The following EPN1 variants were observed in gnomAD, a reference collection of about 807,000 sequenced individuals.
EPN1 encodes the protein epsin-1.
A neutral mutation model predicts 56.9 loss-of-function variants in EPN1; 25 were observed. The ratio of observed to expected loss-of-function variants is 0.44; its 90% CI spans 0.32 to 0.61. The LOEUF is 0.61. EPN1 is among the 20% of genes least tolerant of loss of function. The probability of loss-of-function intolerance (pLI) is 0.05; values close to 1 mark genes in which losing one functional copy is unlikely to be tolerated. For missense variants in EPN1, 785 were observed against 823.7 expected (o/e 0.95, Z 0.58); for synonymous variants, 411 against 361.8 (o/e 1.14, Z -1.54).
chr19:55,688,820 GTC>G (rs781035928), intron 3 of EPN1, 48 bp from the exon 4 acceptor site: 312 of 1,555,222 alleles, frequency 2.0e-4, no homozygotes, highest in Non-Finnish European at 1.9e-4. Context: ...GGGGTTTCCT[GTC>G]TCTCGTTCCC....
Position 55,691,705 on chromosome 19 carries a change from A to G in EPN1, c.763-49A>G, listed in dbSNP as rs1465201872. On this transcript the variant is annotated intron_variant, in intron 6 of 10. Transcript: ENST00000270460. This position sits in a 1 kb window ranked among gnomAD's most constrained non-coding sequence, Gnocchi z 5.6. ...CGGGCCCCAGCTTGGTCCCTGTCCC[A>G]GGCTTCCCACCACTTCTTCATGCTC... is the stretch of plus-strand genomic sequence containing the variant. 17 of 1,563,708 alleles carry G rather than the reference A, an allele frequency of 1.1e-5. No individual in the cohort carries two copies. The highest frequency in any genetic ancestry group is 1.5e-5 in the Non-Finnish European group (17 of 1,145,872).
At chr19:55,687,114 GTTA>G (rs1246561471) in intron 3 of EPN1, among the ~76,000 whole-genome samples, 1 of 152,162 alleles carries the variant, frequency 6.6e-6, no homozygotes, top group East Asian at 1.9e-4. Flanking sequence ...CTTTTAAGTT[GTTA>G]TTTAATTTTT....
rs113119622 is a variant in EPN1 at position 55,703,339 on chromosome 19, T to G, written c.*7983T>G. ...GGGGATTCTCACTTTTTTTTAAAATTTGAGATGGAGTTTCACTGTCGTCAC... is the reference window on the plus strand; with the variant it reads ...GGGGATTCTCACTTTTTTTTAAAATGTGAGATGGAGTTTCACTGTCGTCAC... On this transcript the variant is annotated 3_prime_UTR_variant, in exon 11 of 11. Coordinates refer to ENST00000270460, the MANE Select transcript of EPN1 (RefSeq NM_001130072.2). 1.3e-5 allele frequency: 2 copies of G among 152,010 alleles called. No individual in the cohort carries two copies. The highest frequency in any genetic ancestry group is 2.9e-5 in the Non-Finnish European group (2 of 68,050). The allele number at this position is 152,010 out of a possible 1,614,324, so 9.4% of individuals were successfully genotyped here. A position where few individuals can be genotyped will look rare whatever the true frequency, so the allele number is the denominator to read the frequency against.
Position 55,691,884 on chromosome 19 carries a change from GC to G in EPN1, c.899del (p.Pro300LeufsTer142). 1.9e-6 allele frequency: 3 copies of G among 1,600,522 alleles called. No individual in the cohort carries two copies. Among genetic ancestry groups the G allele is most frequent in the Non-Finnish European group, 8.5e-7 (1 of 1,173,564 alleles). On this transcript the variant is annotated frameshift_variant, in exon 7 of 11. Coordinates refer to ENST00000270460, the MANE Select transcript of EPN1 (RefSeq NM_001130072.2). LOFTEE classifies it high-confidence loss of function. This position sits in a 1 kb window ranked among gnomAD's most constrained non-coding sequence, Gnocchi z 5.6. ...GCCCCCACCTCGGACCCCTGGGGCGGCCCCCCTGTCCCTCCAGCTGCTGATC... is the reference window on the plus strand; with the variant it reads ...GCCCCCACCTCGGACCCCTGGGGCGGCCCCCTGTCCCTCCAGCTGCTGATC... ...TAAPTSDPWG[G>X]PPVPPAADPW...
rs973005871 is a variant in EPN1 at position 55,694,501 on chromosome 19, T to C, written c.1265-225T>C. On this transcript the variant is annotated intron_variant, in intron 9 of 10. Transcript: ENST00000270460. The surrounding 1 kb of genome is among the most constrained non-coding windows in gnomAD (Gnocchi z 4.2). ...GGGTGACACCTGCTTCTGTCATCCC[T>C]CTTGTGTTTGCTCACTGGAATCAGA... The C allele has an allele frequency of 4.3e-6, 2 of 462,768 alleles. No homozygotes were observed. The highest frequency in any genetic ancestry group is 2.0e-5 in the African/African-American group (1 of 50,082). The allele number at this position is 462,768 out of a possible 1,614,324, so 28.7% of individuals were successfully genotyped here.
chr19:55,706,533 T>C lies in EPN1; in HGVS notation c.*11177T>C, dbSNP rs527360532. ...CGGGCATGATGGCAGATGCCTGTAA[T>C]CTCAGCTCCTCAGTAGGCTAAGGCG... On this transcript the variant is annotated 3_prime_UTR_variant, in exon 11 of 11. Transcript: ENST00000270460. 3.4e-4 allele frequency: 51 copies of C among 151,908 alleles called. No homozygotes were observed. The highest frequency in any genetic ancestry group is 1.2e-3 in the African/African-American group (49 of 41,368). 9.4% of individuals were successfully genotyped at this position (151,908 alleles called of 1,614,324 possible).
Position 55,697,635 on chromosome 19 carries a change from T to G in EPN1, c.*2279T>G, listed in dbSNP as rs1986961634. 1 of 152,184 alleles carries G rather than the reference T, an allele frequency of 6.6e-6. No homozygotes were observed. Among genetic ancestry groups the G allele is most frequent in the Admixed American group, 6.5e-5 (1 of 15,280 alleles). 9.4% of individuals were successfully genotyped at this position (152,184 alleles called of 1,614,324 possible). A position where few individuals can be genotyped will look rare whatever the true frequency, so the allele number is the denominator to read the frequency against. ...GCTTAACTACAGCATCTTCGGCATC[T>G]TCTTTTCCCTACAGTGCGAATTACA... On this transcript the variant is annotated 3_prime_UTR_variant, in exon 11 of 11. Coordinates refer to ENST00000270460, the MANE Select transcript of EPN1 (RefSeq NM_001130072.2).
rs60831229 is a variant in EPN1, at chr19:55,696,804, A to G, written c.*1448A>G. Reference sequence around the variant, plus strand: ...CAGACCTACGTCACCTGGGGATTGCAGAGCAAAAGGAGTGCTGTTGGGGTG... The same window carrying G: ...CAGACCTACGTCACCTGGGGATTGCGGAGCAAAAGGAGTGCTGTTGGGGTG... On this transcript the variant is annotated 3_prime_UTR_variant, in exon 11 of 11. Coordinates refer to ENST00000270460, the MANE Select transcript of EPN1 (RefSeq NM_001130072.2). The G allele has an allele frequency of 0.036, 5,467 of 152,552 alleles. 330 individuals are homozygous for G. Among genetic ancestry groups the G allele is most frequent in the African/African-American group, 0.12 (5,186 of 41,554 alleles). The allele number at this position is 152,552 out of a possible 1,614,324, so 9.4% of individuals were successfully genotyped here. A position where few individuals can be genotyped will look rare whatever the true frequency, so the allele number is the denominator to read the frequency against.
At chr19:55,679,106 C>T (rs557831062) in intron 2 of EPN1, among the ~76,000 whole-genome samples, 2 of 152,342 alleles carry the variant, frequency 1.3e-5, no homozygotes, top group African/African-American at 4.8e-5. Context: ...TGAGAGGGCC[C>T]ACGGTGCCCA....
Position 55,705,394 on chromosome 19 carries a change from T to C in EPN1, c.*10038T>C, listed in dbSNP as rs1484774699. On this transcript the variant is annotated 3_prime_UTR_variant, in exon 11 of 11. Transcript: ENST00000270460. ...TTCATGAAGTGGCGTGAGCCTGTAA[T>C]TCCAGCAGTTTGGGAGGCCGGGGCG... 1 of 152,216 alleles carries C rather than the reference T, an allele frequency of 6.6e-6. No homozygotes were observed. Among genetic ancestry groups the C allele is most frequent in the East Asian group, 1.9e-4 (1 of 5,196 alleles). The allele number at this position is 152,216 out of a possible 1,614,324, so 9.4% of individuals were successfully genotyped here.
Position 55,689,851 on chromosome 19 carries a change from G to C in EPN1, c.679-16G>C, listed in dbSNP as rs780426545. 1 of 1,590,560 alleles carries C rather than the reference G, an allele frequency of 6.3e-7. No individual in the cohort carries two copies. The highest frequency in any genetic ancestry group is 1.3e-5 in the African/African-American group (1 of 74,510). On this transcript the variant is annotated splice_polypyrimidine_tract_variant and intron_variant, in intron 5 of 10. Transcript: ENST00000270460. This position sits in a 1 kb window ranked among gnomAD's most constrained non-coding sequence, Gnocchi z 5.7. ...CACGTTCTCATGTCTCCCTGGTCGT[G>C]CCCGTGCCCCAACAGGAGGAGCGGA...
At chr19:55,684,050 A>G (rs1568568661) in intron 2 of EPN1, among the ~76,000 whole-genome samples, 2 of 152,224 alleles carry the variant, frequency 1.3e-5, no homozygotes, top group Admixed American at 6.5e-5. Context: ...GATCAGGCAT[A>G]GCAATGGCTT....
chr19:55,697,782 TAGTGACATAC>T lies in EPN1; in HGVS notation c.*2428_*2437del, dbSNP rs1986967861. The T allele has an allele frequency of 6.6e-6, 1 of 151,888 alleles. No homozygotes were observed. The highest frequency in any genetic ancestry group is 1.5e-5 in the Non-Finnish European group (1 of 67,924). The allele number at this position is 151,888 out of a possible 1,614,324, so 9.4% of individuals were successfully genotyped here. A position where few individuals can be genotyped will look rare whatever the true frequency, so the allele number is the denominator to read the frequency against. On this transcript the variant is annotated 3_prime_UTR_variant, in exon 11 of 11. Coordinates refer to ENST00000270460, the MANE Select transcript of EPN1 (RefSeq NM_001130072.2). ...CCCATGAGGCCCAAGCACCTGAGCT[TAGTGACATAC>T]ACGGTTGAACGCTGGGAGAATGCTG...
chr19:55,687,613 G>T (rs577301425), intron 3 of EPN1, among the ~76,000 whole-genome samples: 20 of 152,154 alleles, frequency 1.3e-4, no homozygotes, highest in African/African-American at 4.6e-4. Context: ...AGAGCAGGAG[G>T]GGCCACAGGG....
chr19:55,679,070 C>T (rs901262723), intron 2 of EPN1, among the ~76,000 whole-genome samples: 1 of 152,238 alleles, frequency 6.6e-6, no homozygotes, highest in East Asian at 1.9e-4. Context: ...GTGGTGCGTA[C>T]GTAAGATTCA....
chr19:55,678,441 C>A, intron 1 of EPN1, 86 bp from the exon 2 acceptor site: 1 of 1,328,964 alleles, frequency 7.5e-7, no homozygotes, highest in Non-Finnish European at 1.0e-6. Context: ...CCTTCTGGGC[C>A]ACAGTTAGGA....
rs1487570501 is a variant in EPN1 at position 55,707,449 on chromosome 19, A to G, written c.*12093A>G. The G allele has an allele frequency of 6.6e-6, 1 of 152,476 alleles. No homozygotes were observed. Among genetic ancestry groups the G allele is most frequent in the Non-Finnish European group, 1.5e-5 (1 of 68,220 alleles). 9.4% of individuals were successfully genotyped at this position (152,476 alleles called of 1,614,324 possible). A position where few individuals can be genotyped will look rare whatever the true frequency, so the allele number is the denominator to read the frequency against. ...CTCCATGTTGAGCCCCTTCTGTGGA[A>G]TATGACAGTGTCTCTATTTCGGGTA... On this transcript the variant is annotated 3_prime_UTR_variant, in exon 11 of 11. Coordinates refer to ENST00000270460, the MANE Select transcript of EPN1 (RefSeq NM_001130072.2).
rs377503879 is a variant in EPN1, at chr19:55,704,410, A to G, written c.*9054A>G. ...AGGACATTAGGGTGGGTCCTAATCC[A>G]ATCTGACTGTTATATAGTGGGGTTG... On this transcript the variant is annotated 3_prime_UTR_variant, in exon 11 of 11. Transcript: ENST00000270460. 1.3e-5 allele frequency: 2 copies of G among 152,188 alleles called. No individual in the cohort carries two copies. The highest frequency in any genetic ancestry group is 4.8e-5 in the African/African-American group (2 of 41,438). The allele number at this position is 152,188 out of a possible 1,614,324, so 9.4% of individuals were successfully genotyped here.
At chr19:55,677,262 T>G (rs540759952) in intron 1 of EPN1, 33 of 1,132,222 alleles carry the variant, frequency 2.9e-5, no homozygotes, top group Non-Finnish European at 3.4e-5. Flanking sequence ...TGTCTCAGTT[T>G]CCACCCTGTG....
Sources: allele counts gnomAD v4.1 joint callset (sites outside exome capture counted in the v4.1 genomes callset), GRCh38; gene constraint gnomAD v4.1.1; non-coding constraint Gnocchi (gnomAD v3.1); transcripts MANE v1.5; gene names NCBI Gene and HGNC (gene_info 2026-07-23, HGNC 2026-07-21).